Variants in LRPAP1 observed in about 807,000 individuals in gnomAD.
LRPAP1 encodes the protein alpha-2-macroglobulin receptor-associated protein.
Under a neutral mutation model 39.9 loss-of-function variants are expected in LRPAP1, and 41 were observed. The observed-to-expected ratio is 1.03, with a 90% CI of 0.80 to 1.33. The LOEUF (loss-of-function observed/expected upper bound fraction) is 1.33, where lower values mean the gene tolerates loss of function less well. LRPAP1 is among the 40% of genes most tolerant of loss of function. The pLI is 0.00. For missense variants in LRPAP1, 565 were observed against 482.3 expected (o/e 1.17, Z -1.61); for synonymous variants, 263 against 212.7 (o/e 1.24, Z -2.06).
intron 5 of LRPAP1, among the ~76,000 whole-genome samples, chr4:3,517,364 G>A (rs1195826010): frequency 6.6e-6 from 1 of 152,268 alleles, no homozygotes. Flanking sequence ...TGAGGGCACA[G>A]ATGCCATCTC....
rs904255518 is a variant in LRPAP1 at position 3,527,181 on chromosome 4, C to T, written c.205-2130G>A. 2.0e-4 allele frequency among the ~76,000 whole-genome samples: 31 copies of T among 152,230 alleles called. No homozygotes were observed. The South Asian group carries it at 3.1e-3, about 15-fold the overall frequency. ...TGAAAACCCTTTCCCTGGCAGCCTT[C>T]GACACACCCCTACCTGTGTGCCTCT... On this transcript the variant is annotated intron_variant, in intron 1 of 7. Coordinates refer to ENST00000650182, the MANE Select transcript of LRPAP1 (RefSeq NM_002337.4).
At chr4:3,514,730 C>CGGT in intron 7 of LRPAP1, 22 bp downstream of exon 7, 1 of 1,578,496 alleles carries the variant, frequency 6.3e-7, no homozygotes, top group African/African-American at 1.3e-5. Context: ...GTGGCCTCCC[C>CGGT]GGTCCTGGAA....
At chr4:3,515,029 C>T in intron 6 of LRPAP1, 101 bp from the exon 7 acceptor site, 1 of 1,360,456 alleles carries the variant, frequency 7.4e-7, no homozygotes, top group South Asian at 1.3e-5. Flanking sequence ...CGGCGCCATA[C>T]CCGGGGCAGG....
intron 5 of LRPAP1, among the ~76,000 whole-genome samples, chr4:3,517,494 G>A (rs1729751951): frequency 6.6e-6 from 1 of 152,230 alleles, no homozygotes. Flanking sequence ...GCAGGCTTCT[G>A]GTACACCCTG....
Position 3,505,713 on chromosome 4 carries a change from C to G in LRPAP1, c.*7261G>C, listed in dbSNP as rs905995313. On this transcript the variant is annotated 3_prime_UTR_variant, in exon 8 of 8. Transcript: ENST00000650182. ...CCAGCTACCCCAAGACCGTCTATAC[C>G]AGCTACGCCAAGACCGTCTATACCA... Among the ~76,000 whole-genome samples, 3 of 152,178 alleles carry G rather than the reference C, an allele frequency of 2.0e-5. No individual in the cohort carries two copies. The highest frequency in any genetic ancestry group is 4.4e-5 in the Non-Finnish European group (3 of 68,036).
chr4:3,515,610 C>T (rs1219905146), intron 6 of LRPAP1, among the ~76,000 whole-genome samples: 4 of 152,140 alleles, frequency 2.6e-5, no homozygotes, highest in Non-Finnish European at 4.4e-5. Context: ...CCAGGACCCC[C>T]GATGGACTCC....
Position 3,505,512 on chromosome 4 carries a change from C to T in LRPAP1, c.*7462G>A, listed in dbSNP as rs568446068. On this transcript the variant is annotated 3_prime_UTR_variant, in exon 8 of 8. Transcript: ENST00000650182. ...GCCTGTGCCTGGCAGGGGCCTCCTG[C>T]GGCCGGAACGTCCCCTGCATCCCCA... Among the ~76,000 whole-genome samples, 15 of 152,324 alleles carry T rather than the reference C, an allele frequency of 9.8e-5. No individual in the cohort carries two copies. Among genetic ancestry groups the T allele is most frequent in the East Asian group, 7.7e-4 (4 of 5,182 alleles).
At chr4:3,531,992 A>C in intron 1 of LRPAP1, 1 of 598,052 alleles carries the variant, frequency 1.7e-6, no homozygotes, top group East Asian at 3.1e-5. Flanking sequence ...CCTGCTTCAC[A>C]CGGCGTCGTC....
In LRPAP1 at chr4:3,514,938, G is replaced by C. The variant is rs1194296982; in HGVS notation, c.835-10C>G. 3.1e-6 allele frequency: 5 copies of C among 1,612,648 alleles called. No homozygotes were observed. The highest frequency in any genetic ancestry group is 2.2e-5 in the East Asian group (1 of 44,832). On this transcript the variant is annotated splice_polypyrimidine_tract_variant and intron_variant, in intron 6 of 7. Coordinates refer to ENST00000650182, the MANE Select transcript of LRPAP1 (RefSeq NM_002337.4). ...AGTGCTTGAGCTCCTCCTGGAACAA[G>C]GTTTCCATAGGTGAGTGTTCCCTTC...
At position 3,532,371 on chromosome 4, in the gene LRPAP1, C is replaced by T. The variant is rs1452315344; in HGVS notation, c.42G>A (p.Pro14=). The stretch of plus-strand genomic sequence containing the variant: ...GGAAGAGCAGCAGCAGTAGCAGCGC[C>T]GGGAGCCCGCGCAGAAACGACCTGA... ...RRVRSFLRGL[P]ALLLLLLFLG... The change falls in exon 1 of 8, where the codon CCG becomes CCA. Residue 14 remains proline (P), a synonymous_variant. Transcript: ENST00000650182. 5 of 1,592,108 alleles carry T rather than the reference C, an allele frequency of 3.1e-6. No individual in the cohort carries two copies. Among genetic ancestry groups the T allele is most frequent in the Non-Finnish European group, 4.3e-6 (5 of 1,169,940 alleles).
intron 1 of LRPAP1, among the ~76,000 whole-genome samples, chr4:3,531,525 A>G (rs1331120691): frequency 5.9e-5 from 9 of 152,222 alleles, no homozygotes; most frequent in Admixed American, 2.0e-4. Context: ...TGAAGAGAGC[A>G]GCTGGCCCAG....
chr4:3,531,765 G>T (rs977399770), intron 1 of LRPAP1, among the ~76,000 whole-genome samples: 1 of 152,234 alleles, frequency 6.6e-6, no homozygotes, highest in African/African-American at 2.4e-5. Context: ...GAACAAGCAC[G>T]GGCTTGCTAC....
Position 3,507,685 on chromosome 4 carries a change from T to C in LRPAP1, c.*5289A>G, listed in dbSNP as rs1446034169. The C allele has an allele frequency of 1.4e-4, 21 of 151,192 alleles. No individual in the cohort carries two copies. Among genetic ancestry groups the C allele is most frequent in the Admixed American group, 1.3e-3 (19 of 15,182 alleles). The allele number at this position is 151,192 out of a possible 1,614,324, so 9.4% of individuals were successfully genotyped here. ...AGAACCTAAAACAAGGACAGCAAAT[T>C]GAACACAAAATAGGTAGAAGAAAGG... is the stretch of plus-strand genomic sequence containing the variant. On this transcript the variant is annotated 3_prime_UTR_variant, in exon 8 of 8. Transcript: ENST00000650182.
chr4:3,506,046 T>C lies in LRPAP1; in HGVS notation c.*6928A>G, dbSNP rs964973205. ...AAAAATCACTGCATCTCATAATTATTGAGATATTTTTAAATTTTCAAGCTT... is the reference window on the plus strand; with the variant it reads ...AAAAATCACTGCATCTCATAATTATCGAGATATTTTTAAATTTTCAAGCTT... On this transcript the variant is annotated 3_prime_UTR_variant, in exon 8 of 8. Coordinates refer to ENST00000650182, the MANE Select transcript of LRPAP1 (RefSeq NM_002337.4). 3.9e-5 allele frequency among the ~76,000 whole-genome samples: 6 copies of C among 152,030 alleles called. No homozygotes were observed. Among genetic ancestry groups the C allele is most frequent in the African/African-American group, 1.2e-4 (5 of 41,408 alleles).
At chr4:3,520,285 G>C (rs1291052640) in intron 2 of LRPAP1, 92 bp from the exon 3 acceptor site, 3 of 1,371,506 alleles carry the variant, frequency 2.2e-6, no homozygotes, top group Non-Finnish European at 3.0e-6. Flanking sequence ...GGTGAGACAG[G>C]TTTGCCTCTC....
intron 2 of LRPAP1, among the ~76,000 whole-genome samples, chr4:3,523,325 G>A (rs1383424810): frequency 1.3e-5 from 2 of 152,200 alleles, no homozygotes; most frequent in African/African-American, 4.8e-5. Flanking sequence ...CACGCTGGTG[G>A]GGACGCAACC....
At chr4:3,518,836 G>A in intron 4 of LRPAP1, 35 bp downstream of exon 4, 4 of 1,297,320 alleles carry the variant, frequency 3.1e-6, no homozygotes, top group Non-Finnish European at 4.1e-6. Context: ...GAGGGGGTGG[G>A]GCAGAGGGCA....
At chr4:3,530,130 C>T (rs930317477) in intron 1 of LRPAP1, among the ~76,000 whole-genome samples, 1 of 152,190 alleles carries the variant, frequency 6.6e-6, no homozygotes, top group African/African-American at 2.4e-5. Flanking sequence ...TCTCCCCCTA[C>T]GTTTGAACTG....
chr4:3,519,666 G>A (rs1478637826), intron 3 of LRPAP1, among the ~76,000 whole-genome samples: 1 of 152,184 alleles, frequency 6.6e-6, no homozygotes, highest in African/African-American at 2.4e-5. Context: ...CCCTTCCCAG[G>A]CACAGGGTGA....
Sources: gnomAD v4.1 joint callset for allele counts (sites outside exome capture counted in the v4.1 genomes callset) on GRCh38, gnomAD v4.1.1 for gene constraint, MANE v1.5 for transcripts, NCBI Gene and HGNC (gene_info 2026-07-23, HGNC 2026-07-21) for gene names.